The following SKAP2 variants were observed in gnomAD, a reference collection of about 807,000 sequenced individuals.
SKAP2 encodes src kinase associated phosphoprotein 2, also known as src kinase-associated phosphoprotein 2.
A neutral mutation model predicts 54.9 loss-of-function variants in SKAP2; 28 were observed. The observed-to-expected ratio is 0.51, with a 90% CI of 0.38 to 0.70. The LOEUF is 0.70. Among genes scored for constraint, SKAP2 ranks in the 30% least tolerant of loss-of-function variants. The pLI is 0.00. For missense variants in SKAP2, 356 were observed against 424.1 expected (o/e 0.84, Z 1.41); for synonymous variants, 137 against 134.3 (o/e 1.02, Z -0.14).
intron 4 of SKAP2, among the ~76,000 whole-genome samples, chr7:26,831,449 A>G (rs1462940324): frequency 6.6e-6 from 1 of 152,202 alleles, no homozygotes; most frequent in Non-Finnish European, 1.5e-5. Context: ...AGCCAGTAAA[A>G]CATATGAGCT....
chr7:26,656,138 G>C, the SKAP2 span, among the ~76,000 whole-genome samples: 3 of 152,092 alleles, frequency 2.0e-5, no homozygotes, highest in African/African-American at 7.2e-5. Context: ...TGTAAATGCC[G>C]CAATTTACTG....
intron 9 of SKAP2, among the ~76,000 whole-genome samples, chr7:26,720,051 AACACACACACACAC>A (rs57945020): frequency 1.2e-3 from 176 of 141,816 alleles, no homozygotes; most frequent in East Asian, 3.2e-3. Context: ...ACATATCTGT[AACACACACACACAC>A]ACACACACAC....
intron 4 of SKAP2, among the ~76,000 whole-genome samples, chr7:26,822,273 A>G (rs1315558334): frequency 6.6e-6 from 1 of 152,192 alleles, no homozygotes; most frequent in Admixed American, 6.5e-5. Flanking sequence ...GAACAAGTCT[A>G]TCAGCACCAT....
chr7:26,771,789 C>T (rs1315277933), intron 4 of SKAP2, among the ~76,000 whole-genome samples: 1 of 152,050 alleles, frequency 6.6e-6, no homozygotes, highest in Admixed American at 6.6e-5. Flanking sequence ...ATAAAATGGT[C>T]AAAGTAAAAG....
At chr7:26,848,825 A>T (rs1465879587) in intron 3 of SKAP2, among the ~76,000 whole-genome samples, 1 of 152,236 alleles carries the variant, frequency 6.6e-6, no homozygotes, top group Non-Finnish European at 1.5e-5. Flanking sequence ...AATCTAGGTC[A>T]ATGAAAGGAA....
At chr7:26,739,449 T>C (rs903102950) in intron 5 of SKAP2, among the ~76,000 whole-genome samples, 8 of 152,172 alleles carry the variant, frequency 5.3e-5, no homozygotes, top group African/African-American at 1.9e-4. Context: ...CCAATTATCA[T>C]AGCCAATGGA....
At chr7:26,759,502 C>T (rs897717940) in intron 4 of SKAP2, among the ~76,000 whole-genome samples, 1 of 152,122 alleles carries the variant, frequency 6.6e-6, no homozygotes, top group Admixed American at 6.5e-5. Flanking sequence ...ACAATGCTAG[C>T]TATGGCAGAT....
chr7:26,796,038 A>G (rs1030961094), intron 4 of SKAP2, among the ~76,000 whole-genome samples: 1 of 152,242 alleles, frequency 6.6e-6, no homozygotes, highest in Non-Finnish European at 1.5e-5. Context: ...AGAAAAAGGT[A>G]TGTCATTAAT....
intron 3 of SKAP2, among the ~76,000 whole-genome samples, chr7:26,851,482 C>T (rs2030134): frequency 0.21 from 32,185 of 151,524 alleles, 3,482 homozygotes; most frequent in Non-Finnish European, 0.24. Context: ...AACCAAACAC[C>T]GCGTGTTCTC....
intron 3 of SKAP2, among the ~76,000 whole-genome samples, chr7:26,848,861 T>G (rs1206345133): frequency 6.6e-6 from 1 of 152,148 alleles, no homozygotes; most frequent in Non-Finnish European, 1.5e-5. Flanking sequence ...TCTTCTACAA[T>G]AGGAGGGCAT....
At chr7:26,765,014 C>T (rs563825181) in intron 4 of SKAP2, among the ~76,000 whole-genome samples, 11 of 152,148 alleles carry the variant, frequency 7.2e-5, no homozygotes, top group Admixed American at 6.5e-4. Context: ...ATTAATGGGT[C>T]AAATGGTATT....
At chr7:26,839,907 G>T (rs1460629645) in intron 4 of SKAP2, among the ~76,000 whole-genome samples, 1 of 151,916 alleles carries the variant, frequency 6.6e-6, no homozygotes, top group East Asian at 1.9e-4. Context: ...TCTCTCTAAA[G>T]AAATCTGTTG....
At chr7:26,840,323 G>A (rs975949343) in intron 4 of SKAP2, among the ~76,000 whole-genome samples, 1 of 152,066 alleles carries the variant, frequency 6.6e-6, no homozygotes, top group African/African-American at 2.4e-5. Context: ...CTATCGTCGA[G>A]GGGCAGAGCC....
At position 26,708,686 on chromosome 7, in the gene SKAP2, A is replaced by G. The variant is rs551329394; in HGVS notation, c.796+16742T>C. ...ACTGAACAGACAAGCCCTTTTAGGT[A>G]TCTCATTTACTGCCATAGACTTGGC... is the stretch of plus-strand genomic sequence containing the variant. On this transcript the variant is annotated intron_variant, in intron 9 of 12. Coordinates refer to ENST00000345317, the MANE Select transcript of SKAP2 (RefSeq NM_003930.5). Among the ~76,000 whole-genome samples the G allele has an allele frequency of 2.0e-5, 3 of 152,282 alleles. 1 individual carries two copies. In the South Asian group the frequency reaches 6.2e-4, roughly 32 times the overall value.
Position 26,668,678 on chromosome 7 carries a change from T to TC in SKAP2, c.*987_*988insG, listed in dbSNP as rs1786164778. ...TGAGATTCTGTTTTTTTTTTTTTTT[T>TC]TTTCTGAGATGGAGTCTCACTCTGT... is the stretch of plus-strand genomic sequence containing the variant. On this transcript the variant is annotated 3_prime_UTR_variant, in exon 13 of 13. Transcript: ENST00000345317. The TC allele has an allele frequency of 1.3e-5, 2 of 150,860 alleles. No homozygotes were observed. The highest frequency in any genetic ancestry group is 4.3e-4 in the South Asian group (2 of 4,682). 9.3% of individuals were successfully genotyped at this position (150,860 alleles called of 1,614,324 possible). A position where few individuals can be genotyped will look rare whatever the true frequency, so the allele number is the denominator to read the frequency against.
intron 4 of SKAP2, among the ~76,000 whole-genome samples, chr7:26,750,268 T>A (rs1782653115): frequency 6.6e-6 from 1 of 151,656 alleles, no homozygotes; most frequent in African/African-American, 2.4e-5. Flanking sequence ...ATACCATATA[T>A]ACCATATACC....
chr7:26,759,308 G>A (rs570831158), intron 4 of SKAP2, among the ~76,000 whole-genome samples: 32 of 152,178 alleles, frequency 2.1e-4, no homozygotes, highest in South Asian at 6.2e-4. Flanking sequence ...TTCACATAGC[G>A]CACTACACAG....
chr7:26,742,413 A>AG (rs771947655), intron 4 of SKAP2: 2 of 152,126 alleles, frequency 1.3e-5, no homozygotes, highest in African/African-American at 2.4e-5. Flanking sequence ...AAGAAGGGAG[A>AG]GGGGAGAGGA....
chr7:26,837,369 G>A (rs914083177), intron 4 of SKAP2, among the ~76,000 whole-genome samples: 3 of 152,040 alleles, frequency 2.0e-5, no homozygotes, highest in African/African-American at 7.2e-5. Flanking sequence ...TTGGCTTATG[G>A]TTCTGAAGGC....
Sources: gnomAD v4.1 joint callset for allele counts (sites outside exome capture counted in the v4.1 genomes callset) on GRCh38, gnomAD v4.1.1 for gene constraint, MANE v1.5 for transcripts, NCBI Gene and HGNC (gene_info 2026-07-23, HGNC 2026-07-21) for gene names.